Variants in NHLRC2 observed in about 807,000 individuals in gnomAD.
NHLRC2 encodes the protein NHL repeat-containing protein 2.
A neutral mutation model predicts 68.1 loss-of-function variants in NHLRC2; 33 were observed. The observed-to-expected ratio is 0.48, with a 90% CI of 0.37 to 0.65. NHLRC2 has a LOEUF of 0.65. Among genes scored for constraint, NHLRC2 ranks in the 30% least tolerant of loss-of-function variants. The pLI is 0.00. For missense variants in NHLRC2, 761 were observed against 853.8 expected (o/e 0.89, Z 1.35); for synonymous variants, 311 against 309.6 (o/e 1.00, Z -0.05).
intron 3 of NHLRC2, 53 bp from the exon 4 acceptor site, chr10:113,879,521 T>C: frequency 6.7e-7 from 1 of 1,499,218 alleles, no homozygotes; most frequent in Non-Finnish European, 9.0e-7. Context: ...TTTTGTTTTG[T>C]TTTGTTTTAC....
At chr10:113,863,108 T>C (rs1309521306) in intron 2 of NHLRC2, among the ~76,000 whole-genome samples, 1 of 152,136 alleles carries the variant, frequency 6.6e-6, no homozygotes, top group Non-Finnish European at 1.5e-5. Context: ...TCTACAATAG[T>C]AGTTGGAGAA....
rs1846234125 is a variant in NHLRC2 at position 113,902,035 on chromosome 10, A to G, written c.1371+138A>G. On this transcript the variant is annotated intron_variant, in intron 7 of 10. Coordinates refer to ENST00000369301, the MANE Select transcript of NHLRC2 (RefSeq NM_198514.4). ...ATCAAAATGAAAGTCAGACCAAAGG[A>G]AATGTGAATGTAAAGCAACGTGAGG... 4 of 627,910 alleles carry G rather than the reference A, an allele frequency of 6.4e-6. No homozygotes were observed. In the South Asian group the frequency reaches 8.5e-5, roughly 13 times the overall value. The allele number at this position is 627,910 out of a possible 1,614,324, so 38.9% of individuals were successfully genotyped here. A position where few individuals can be genotyped will look rare whatever the true frequency, so the allele number is the denominator to read the frequency against.
chr10:113,900,083 A>G (rs994245907), intron 6 of NHLRC2, among the ~76,000 whole-genome samples: 1 of 152,194 alleles, frequency 6.6e-6, no homozygotes, highest in Non-Finnish European at 1.5e-5. Context: ...AAGAATTGGC[A>G]CTAGTGATGT....
intron 10 of NHLRC2, among the ~76,000 whole-genome samples, chr10:113,906,350 A>G (rs1846274675): frequency 6.6e-6 from 1 of 152,174 alleles, no homozygotes; most frequent in Non-Finnish European, 1.5e-5. Context: ...CATTTTTATT[A>G]TATAGTAGCA....
chr10:113,905,985 T>C (rs1457579449), intron 10 of NHLRC2, among the ~76,000 whole-genome samples: 2 of 152,142 alleles, frequency 1.3e-5, no homozygotes, highest in African/African-American at 2.4e-5. Context: ...TACTAGGACC[T>C]TTGGAGCTTG....
At position 113,889,243 on chromosome 10, in the gene NHLRC2, C is replaced by G. The variant is rs566147170; in HGVS notation, c.1039+4863C>G. 2.4e-4 allele frequency among the ~76,000 whole-genome samples: 37 copies of G among 152,126 alleles called. No homozygotes were observed. The South Asian group carries it at 7.3e-3, about 30-fold the overall frequency. On this transcript the variant is annotated intron_variant, in intron 5 of 10. Coordinates refer to ENST00000369301, the MANE Select transcript of NHLRC2 (RefSeq NM_198514.4). ...TCTTGGCCCTTTAATCAACATTTTC[C>G]CTAGATAGAAGTTTAGCCATTCTTC...
In NHLRC2 at chr10:113,909,699, T is replaced by C. The variant is rs1379353412; in HGVS notation, c.*1163T>C. On this transcript the variant is annotated 3_prime_UTR_variant, in exon 11 of 11. Coordinates refer to ENST00000369301, the MANE Select transcript of NHLRC2 (RefSeq NM_198514.4). ...AAAAAGATATTGGAAAGGTTTTTTTTCTATTGTCATAATTTATAACTACTT... is the reference window on the plus strand; with the variant it reads ...AAAAAGATATTGGAAAGGTTTTTTTCCTATTGTCATAATTTATAACTACTT... 6.6e-6 allele frequency: 1 copy of C among 152,176 alleles called. No homozygotes were observed. Among genetic ancestry groups the C allele is most frequent in the Non-Finnish European group, 1.5e-5 (1 of 68,000 alleles). 9.4% of individuals were successfully genotyped at this position (152,176 alleles called of 1,614,324 possible). A position where few individuals can be genotyped will look rare whatever the true frequency, so the allele number is the denominator to read the frequency against.
chr10:113,902,755 T>C (rs559847559), intron 8 of NHLRC2, among the ~76,000 whole-genome samples, 162 bp downstream of exon 8: 2 of 152,340 alleles, frequency 1.3e-5, no homozygotes, highest in East Asian at 3.9e-4. Flanking sequence ...CTTGGTCCTT[T>C]CTTTGCCAAG....
intron 2 of NHLRC2, among the ~76,000 whole-genome samples, chr10:113,872,392 G>A (rs1180912021): frequency 1.3e-5 from 2 of 151,840 alleles, no homozygotes; most frequent in Admixed American, 6.6e-5. Context: ...AAAATGAACA[G>A]GAATAGAAAA....
intron 1 of NHLRC2, among the ~76,000 whole-genome samples, chr10:113,855,629 G>A (rs1229649911): frequency 6.6e-6 from 1 of 150,734 alleles, no homozygotes; most frequent in African/African-American, 2.5e-5. Flanking sequence ...CACCACGCCT[G>A]GCTAGTTGTT....
At chr10:113,899,425 A>G (rs1454749389) in intron 6 of NHLRC2, among the ~76,000 whole-genome samples, 1 of 152,216 alleles carries the variant, frequency 6.6e-6, no homozygotes, top group Non-Finnish European at 1.5e-5. Context: ...ATGTTTGTGC[A>G]TGTTGCTTTG....
At chr10:113,895,182 A>C (rs148643260) in intron 5 of NHLRC2, among the ~76,000 whole-genome samples, 3 of 152,214 alleles carry the variant, frequency 2.0e-5, no homozygotes, top group Non-Finnish European at 4.4e-5. Context: ...CATTAGTACT[A>C]TTAGGAAATA....
chr10:113,872,527 G>A (rs996969838), intron 2 of NHLRC2, among the ~76,000 whole-genome samples: 4 of 151,442 alleles, frequency 2.6e-5, no homozygotes, highest in Non-Finnish European at 4.4e-5. Context: ...AATATCCTTA[G>A]TCAGCATTTA....
intron 5 of NHLRC2, among the ~76,000 whole-genome samples, 171 bp from the exon 6 acceptor site, chr10:113,897,939 T>G (rs532371956): frequency 6.6e-6 from 1 of 152,322 alleles, no homozygotes; most frequent in South Asian, 2.1e-4. Context: ...AAGTAAACCT[T>G]TCACAAGAAA....
At chr10:113,896,289 G>A (rs1430203681) in intron 5 of NHLRC2, among the ~76,000 whole-genome samples, 1 of 151,920 alleles carries the variant, frequency 6.6e-6, no homozygotes, top group Non-Finnish European at 1.5e-5. Flanking sequence ...ATGATAGACT[G>A]GATTAAGAAA....
At chr10:113,897,523 T>C (rs940633316) in intron 5 of NHLRC2, among the ~76,000 whole-genome samples, 2 of 152,232 alleles carry the variant, frequency 1.3e-5, no homozygotes, top group African/African-American at 4.8e-5. Flanking sequence ...AGCATTACTC[T>C]AAGTGCATCG....
chr10:113,894,720 T>G (rs1846162868), intron 5 of NHLRC2, among the ~76,000 whole-genome samples: 1 of 152,136 alleles, frequency 6.6e-6, no homozygotes, highest in South Asian at 2.1e-4. Context: ...AAAATGTTCT[T>G]TATAAGATTA....
At chr10:113,884,986 T>C (rs1846068289) in intron 5 of NHLRC2, among the ~76,000 whole-genome samples, 1 of 151,878 alleles carries the variant, frequency 6.6e-6, no homozygotes. Flanking sequence ...AGTATTTTTA[T>C]TTTTTATTGG....
intron 6 of NHLRC2, among the ~76,000 whole-genome samples, chr10:113,898,707 T>C (rs1846202181): frequency 6.6e-6 from 1 of 152,208 alleles, no homozygotes; most frequent in South Asian, 2.1e-4. Context: ...ATTCAAACAG[T>C]TGAATACCAC....
Sources: gnomAD v4.1 joint callset for allele counts (sites outside exome capture counted in the v4.1 genomes callset) on GRCh38, gnomAD v4.1.1 for gene constraint, MANE v1.5 for transcripts, NCBI Gene and HGNC (gene_info 2026-07-23, HGNC 2026-07-21) for gene names.